Variants in CKAP5 observed in about 807,000 individuals in gnomAD.
CKAP5 encodes cytoskeleton associated protein 5, also known as cytoskeleton-associated protein 5.
A neutral mutation model predicts 232.8 loss-of-function variants in CKAP5; 27 were observed. The ratio of observed to expected loss-of-function variants is 0.12; its 90% confidence interval spans 0.09 to 0.16. The LOEUF (loss-of-function observed/expected upper bound fraction) is 0.16. CKAP5 is among the 10% of genes least tolerant of loss of function. CKAP5 has a pLI of 1.00. For missense variants in CKAP5, 1,838 were observed against 2,424.7 expected (o/e 0.76, Z 5.08); for synonymous variants, 785 against 841.1 (o/e 0.93, Z 1.16).
chr11:46,754,963 T>A lies in CKAP5; in HGVS notation c.4794A>T (p.Thr1598=). The change falls in exon 36 of 44, where the codon ACA becomes ACT. Residue 1598 remains threonine, a synonymous_variant. Transcript: ENST00000529230. ...TCTCCAATTTCTCATCTGCCATGTG[T>A]GTGTTGTAGATGAGTCTTAGCTGCA... The part of the protein sequence containing the change: ...TFMQLRLIYN[T]HMADEKLEKD... The A allele has an allele frequency of 3.1e-6, 5 of 1,613,812 alleles. No homozygotes were observed. The highest frequency in any genetic ancestry group is 4.2e-6 in the Non-Finnish European group (5 of 1,179,792).
rs775850852 is a variant in CKAP5 at position 46,750,552 on chromosome 11, A to T, written c.5520T>A (p.Ile1840=). 6.2e-7 allele frequency: 1 copy of T among 1,614,006 alleles called. No homozygotes were observed. Among genetic ancestry groups the T allele is most frequent in the East Asian group, 2.2e-5 (1 of 44,872 alleles). Residue 1840 remains isoleucine, a synonymous_variant, in exon 41 of 44, where the codon ATT becomes ATA. Transcript: ENST00000529230. ...CCTCTTTAGTGTTTTCTTTAGAGCC[A>T]ATCTTCTTAAAAATCTCAGCTAAGA... ...NDFLAEIFKK[I]GSKENTKEGL...
chr11:46,815,613 A>C (rs1346878652), intron 4 of CKAP5, among the ~76,000 whole-genome samples: 1 of 152,196 alleles, frequency 6.6e-6, no homozygotes, highest in Non-Finnish European at 1.5e-5. Flanking sequence ...CCTAATTCTT[A>C]ATCTGATAAC....
chr11:46,776,264 C>G lies in CKAP5; in HGVS notation c.2982G>C (p.Leu994Phe). Residue 994 changes from leucine to phenylalanine, a missense_variant, in exon 24 of 44, where the codon TTG (leucine) becomes TTC (phenylalanine). By Grantham distance (22) the Leu-to-Phe change is conservative (BLOSUM62 0). Around this residue, in one of 6 missense-constraint regions of CKAP5, gnomAD observed 767 missense variants for 954.6 expected, o/e 0.80. Transcript: ENST00000529230. ...AATTTATGATACTAACCTCTTGCCT[C>G]AAGAAAGGATTTTCCTTTTTGAGCT... ...SEELKKENPF[L>F]RQELLGWLAE... The G allele has an allele frequency of 6.2e-7, 1 of 1,613,670 alleles. No individual in the cohort carries two copies. Among genetic ancestry groups the G allele is most frequent in the Non-Finnish European group, 8.5e-7 (1 of 1,179,740 alleles).
intron 17 of CKAP5, among the ~76,000 whole-genome samples, chr11:46,783,597 G>GTTT (rs66522172): frequency 2.8e-5 from 4 of 141,696 alleles, no homozygotes; most frequent in East Asian, 2.0e-4. Flanking sequence ...GCATTATAAT[G>GTTT]TTTTTTTTTT....
At chr11:46,776,949 T>C (rs985155135) in intron 23 of CKAP5, among the ~76,000 whole-genome samples, 4 of 152,166 alleles carry the variant, frequency 2.6e-5, no homozygotes, top group Admixed American at 1.3e-4. Flanking sequence ...CAGTGACTTC[T>C]AGAACTATGA....
intron 1 of CKAP5, among the ~76,000 whole-genome samples, chr11:46,831,632 G>A (rs954813549): frequency 1.3e-5 from 2 of 152,032 alleles, no homozygotes; most frequent in Admixed American, 6.6e-5. Context: ...AGCCTCATGT[G>A]AGCCTCCTGC....
chr11:46,822,981 A>C lies in CKAP5; in HGVS notation c.-37-1713T>G, dbSNP rs1278213801. On this transcript the variant is annotated intron_variant, in intron 1 of 43. Coordinates refer to ENST00000529230, the MANE Select transcript of CKAP5 (RefSeq NM_001008938.4). ...TGCTACCTATCTTCTTTTTTTTGAG[A>C]CAGCGTCTTGCTCTGTCGTCCAGGC... Among the ~76,000 whole-genome samples, 4 of 151,738 alleles carry C rather than the reference A, an allele frequency of 2.6e-5. No homozygotes were observed. The East Asian group carries it at 7.7e-4, about 29-fold the overall frequency.
At chr11:46,834,381 T>C (rs1394594596) in intron 1 of CKAP5, among the ~76,000 whole-genome samples, 2 of 151,738 alleles carry the variant, frequency 1.3e-5, no homozygotes, top group African/African-American at 4.8e-5. Flanking sequence ...TAGCCAGGCA[T>C]GGTGGTACAT....
chr11:46,757,031 C>T (rs2065115521), intron 35 of CKAP5, among the ~76,000 whole-genome samples: 1 of 150,900 alleles, frequency 6.6e-6, no homozygotes, highest in Admixed American at 6.6e-5. Context: ...TCCCAAAGTG[C>T]TGGGATTATA....
intron 18 of CKAP5, among the ~76,000 whole-genome samples, chr11:46,780,755 C>T (rs1252814690): frequency 6.6e-6 from 1 of 152,188 alleles, no homozygotes; most frequent in Non-Finnish European, 1.5e-5. Flanking sequence ...GCTGAGATTA[C>T]AGGTGTGTAA....
chr11:46,754,146 C>T (rs748716085), intron 36 of CKAP5, among the ~76,000 whole-genome samples: 2 of 151,822 alleles, frequency 1.3e-5, no homozygotes, highest in Admixed American at 6.6e-5. Context: ...TACAGGCGCC[C>T]GCCACCAGGC....
At chr11:46,829,218 G>A (rs1233861536) in intron 1 of CKAP5, among the ~76,000 whole-genome samples, 2 of 152,186 alleles carry the variant, frequency 1.3e-5, no homozygotes, top group Non-Finnish European at 2.9e-5. Context: ...AAGACAGCAA[G>A]ACCAACCCCT....
chr11:46,776,110 A>G, intron 24 of CKAP5, 145 bp downstream of exon 24: 1 of 591,102 alleles, frequency 1.7e-6, no homozygotes. Context: ...CATGAATACA[A>G]AGGCCCCAGG....
chr11:46,844,405 G>T (rs1311336666), intron 1 of CKAP5, among the ~76,000 whole-genome samples: 1 of 151,844 alleles, frequency 6.6e-6, no homozygotes, highest in African/African-American at 2.4e-5. Flanking sequence ...ACAATAAACC[G>T]TGAAGGTAAA....
chr11:46,758,951 A>T lies in CKAP5; in HGVS notation c.4661T>A (p.Ile1554Asn). ...FIISQVASGD[I>N]NTSIQALTQI... ...TGTCAGAGCTTGGATACTTGTGTTGATGTCACCACTGGCTACTTGGGAGAT... is the reference window on the plus strand; with the variant it reads ...TGTCAGAGCTTGGATACTTGTGTTGTTGTCACCACTGGCTACTTGGGAGAT... The change falls in exon 35 of 44, where the codon ATC becomes AAC. Residue 1554 changes from isoleucine to asparagine, a missense_variant. By Grantham distance (149) the Ile-to-Asn change is moderately radical. Coordinates refer to ENST00000529230, the MANE Select transcript of CKAP5 (RefSeq NM_001008938.4). 2 of 1,613,864 alleles carry T rather than the reference A, an allele frequency of 1.2e-6. No individual in the cohort carries two copies. The highest frequency in any genetic ancestry group is 1.7e-6 in the Non-Finnish European group (2 of 1,179,976).
In CKAP5 at chr11:46,753,472, C is replaced by T. The variant is rs376318569; in HGVS notation, c.4895G>A (p.Arg1632Gln). Residue 1632 changes from arginine (R) to glutamine (Q), a missense_variant, in exon 37 of 44, where the codon CGG becomes CAG. Physicochemically the swap from Arg to Gln is conservative, Grantham distance 43 (BLOSUM62 1). Around this residue, in one of 6 missense-constraint regions of CKAP5, gnomAD observed 579 missense variants for 843.2 expected, o/e 0.69. Coordinates refer to ENST00000529230, the MANE Select transcript of CKAP5 (RefSeq NM_001008938.4). ...ISLFQIESLA[R>Q]EASTGVLKDL... ...TTTTAGTACTCCAGTGGAGGCCTCC[C>T]GGGCAAGGCTCTCTATCTGAAACAG... 1.1e-5 allele frequency: 18 copies of T among 1,611,802 alleles called. No individual in the cohort carries two copies. Among genetic ancestry groups the T allele is most frequent in the Non-Finnish European group, 1.3e-5 (15 of 1,179,248 alleles).
intron 19 of CKAP5, 34 bp downstream of exon 19, chr11:46,780,394 C>A (rs1441832117): frequency 6.2e-7 from 1 of 1,613,242 alleles, no homozygotes; most frequent in South Asian, 1.1e-5. Flanking sequence ...ACAAAGATGG[C>A]AATACTGCCC....
chr11:46,821,667 C>T (rs1047647145), intron 1 of CKAP5, among the ~76,000 whole-genome samples: 1 of 152,034 alleles, frequency 6.6e-6, no homozygotes, highest in African/African-American at 2.4e-5. Flanking sequence ...TCGTGATCCA[C>T]CCGCCTCGGC....
At position 46,816,209 on chromosome 11, in the gene CKAP5, C is replaced by T. The variant is rs765288095; in HGVS notation, c.447G>A (p.Arg149=). The part of the protein sequence containing the change: ...KIIVACIETL[R]KALSEFGSKI... ...AAACAAAGTCTTACCTTAAGGCTTT[C>T]CTCAGTGTCTCTATACAGGCCACTA... is the stretch of plus-strand genomic sequence containing the variant. The change falls in exon 4 of 44, where the codon AGG becomes AGA. Residue 149 remains arginine, a synonymous_variant. Transcript: ENST00000529230. 18 of 1,613,820 alleles carry T rather than the reference C, an allele frequency of 1.1e-5. No homozygotes were observed. Among genetic ancestry groups the T allele is most frequent in the Non-Finnish European group, 1.5e-5 (18 of 1,179,792 alleles).
Sources: gnomAD v4.1 joint callset for allele counts (sites outside exome capture counted in the v4.1 genomes callset) on GRCh38, gnomAD v4.1.1 for gene constraint, gnomAD v4.1.1 regional missense constraint, MANE v1.5 for transcripts, NCBI Gene and HGNC (gene_info 2026-07-23, HGNC 2026-07-21) for gene names.